Variants in MECOM observed in about 807,000 individuals in gnomAD.
MECOM encodes the protein MDS1 and EVI1 complex locus.
In MECOM, 13 loss-of-function variants were observed where a neutral mutation model predicts 116.3. The ratio of observed to expected loss-of-function variants is 0.11; its 90% CI spans 0.07 to 0.18. MECOM has a LOEUF of 0.18. MECOM is among the 10% of genes least tolerant of loss of function. The pLI is 1.00. For missense variants in MECOM, 1,299 were observed against 1,509.0 expected, an observed-to-expected ratio of 0.86 and a Z score of 2.31; for synonymous variants, 528 against 535.2, an observed-to-expected ratio of 0.99 and a Z score of 0.19.
chr3:169,610,598 A>G (rs1194684105), intron 1 of MECOM, among the ~76,000 whole-genome samples: 1 of 152,106 alleles, frequency 6.6e-6, no homozygotes, highest in Non-Finnish European at 1.5e-5. Context: ...AACTCATACA[A>G]ATAGTAAGTA....
intron 1 of MECOM, among the ~76,000 whole-genome samples, chr3:169,545,890 A>G (rs1242387613): frequency 6.6e-6 from 1 of 151,484 alleles, no homozygotes; most frequent in African/African-American, 2.4e-5. Flanking sequence ...TCTCTTCCCA[A>G]TCTCTTTTTT....
intron 1 of MECOM, among the ~76,000 whole-genome samples, chr3:169,563,386 A>G (rs1762876339): frequency 6.6e-6 from 1 of 152,210 alleles, no homozygotes; most frequent in Non-Finnish European, 1.5e-5. Flanking sequence ...ATTCATTGAA[A>G]CTTAAATCCA....
intron 1 of MECOM, among the ~76,000 whole-genome samples, chr3:169,413,094 G>A (rs1036414673): frequency 1.3e-5 from 2 of 152,236 alleles, no homozygotes; most frequent in African/African-American, 4.8e-5. Flanking sequence ...GCTCTGATCT[G>A]CAGCTCCCAG....
chr3:169,146,829 C>G, intron 2 of MECOM: 3 of 1,082,178 alleles, frequency 2.8e-6, no homozygotes, highest in Non-Finnish European at 3.4e-6. Flanking sequence ...CACGAAAATC[C>G]TTTCAAACGA....
chr3:169,106,799 A>C (rs895593500), intron 10 of MECOM, among the ~76,000 whole-genome samples: 5 of 152,120 alleles, frequency 3.3e-5, no homozygotes, highest in Non-Finnish European at 7.4e-5. Context: ...ACAGATCTCT[A>C]CCAGGAAAGG....
At chr3:169,584,731 G>A (rs1765582643) in intron 1 of MECOM, among the ~76,000 whole-genome samples, 1 of 152,134 alleles carries the variant, frequency 6.6e-6, no homozygotes, top group South Asian at 2.1e-4. Flanking sequence ...CTTAACAAGT[G>A]AGTATGACAT....
rs56270349 is a variant in MECOM, at chr3:169,659,440, A to ATTTTTTTTT, written c.37+3887_37+3895dup. Reference sequence around the variant, plus strand: ...GTAATTAACCTTCCCCTAAACACAGATTTTTTTTTTTTTTTTTTTTTTTTT... The same window carrying ATTTTTTTTT: ...GTAATTAACCTTCCCCTAAACACAGATTTTTTTTTTTTTTTTTTTTTTTTTTTTTTTTTT... On this transcript the variant is annotated intron_variant, in intron 1 of 16. Transcript: ENST00000651503. Among the ~76,000 whole-genome samples, 245 of 62,138 alleles carry ATTTTTTTTT rather than the reference A, an allele frequency of 3.9e-3. 47 individuals are homozygous for ATTTTTTTTT. The highest frequency in any genetic ancestry group is 0.031 in the East Asian group (40 of 1,278). The allele number at this position is 62,138 out of a possible 152,430, so 40.8% of individuals were successfully genotyped here.
chr3:169,121,807 A>G (rs1297476025), intron 6 of MECOM, among the ~76,000 whole-genome samples: 2 of 152,306 alleles, frequency 1.3e-5, no homozygotes, highest in Non-Finnish European at 2.9e-5. Flanking sequence ...AGAAAAAAAC[A>G]TACAAAATTT....
chr3:169,468,762 C>A (rs1039050712), intron 1 of MECOM, among the ~76,000 whole-genome samples: 1 of 152,188 alleles, frequency 6.6e-6, no homozygotes, highest in East Asian at 1.9e-4. Context: ...CACATGGAAG[C>A]AATTGCTTGA....
chr3:169,121,014 G>A, intron 7 of MECOM, 42 bp downstream of exon 7: 1 of 1,556,904 alleles, frequency 6.4e-7, no homozygotes, highest in Non-Finnish European at 8.7e-7. Context: ...TTTTGGGGAA[G>A]AGACAGATGT....
At chr3:169,165,700 ATG>A (rs1301015049) in intron 2 of MECOM, among the ~76,000 whole-genome samples, 1 of 152,154 alleles carries the variant, frequency 6.6e-6, no homozygotes, top group East Asian at 1.9e-4. Flanking sequence ...TCCTTGTTTT[ATG>A]TCCTTTAAGT....
intron 1 of MECOM, among the ~76,000 whole-genome samples, chr3:169,524,352 C>T (rs1041115053): frequency 6.6e-6 from 1 of 152,068 alleles, no homozygotes; most frequent in African/African-American, 2.4e-5. Context: ...GATCCTCTGA[C>T]AGTTTGCAGA....
At chr3:169,582,734 C>T (rs977241342) in intron 1 of MECOM, among the ~76,000 whole-genome samples, 1 of 152,174 alleles carries the variant, frequency 6.6e-6, no homozygotes, top group Non-Finnish European at 1.5e-5. Flanking sequence ...AGCAAAACTT[C>T]TGAAATTACA....
At chr3:169,139,745 A>G (rs1251340810) in intron 3 of MECOM, among the ~76,000 whole-genome samples, 1 of 151,982 alleles carries the variant, frequency 6.6e-6, no homozygotes, top group Admixed American at 6.6e-5. Context: ...TCTGAGGTGG[A>G]TGGGGGTCTA....
At chr3:169,649,574 C>A (rs955334728) in intron 1 of MECOM, among the ~76,000 whole-genome samples, 1 of 151,988 alleles carries the variant, frequency 6.6e-6, no homozygotes, top group African/African-American at 2.4e-5. Context: ...TGTCGGTGTT[C>A]AATATTTTCA....
chr3:169,182,050 G>A (rs1746035033), intron 2 of MECOM, among the ~76,000 whole-genome samples: 1 of 152,182 alleles, frequency 6.6e-6, no homozygotes, highest in African/African-American at 2.4e-5. Flanking sequence ...CAAGATGAAG[G>A]ATAGGAAGAG....
chr3:169,661,676 G>A (rs1254951966), intron 1 of MECOM, among the ~76,000 whole-genome samples: 1 of 152,216 alleles, frequency 6.6e-6, no homozygotes, highest in African/African-American at 2.4e-5. Flanking sequence ...CGACTCCAAT[G>A]CCCGCGAAGC....
At chr3:169,202,280 T>C (rs981635208) in intron 2 of MECOM, among the ~76,000 whole-genome samples, 1 of 152,176 alleles carries the variant, frequency 6.6e-6, no homozygotes, top group Non-Finnish European at 1.5e-5. Flanking sequence ...TTTTTCATCG[T>C]ATAACATTTG....
intron 1 of MECOM, among the ~76,000 whole-genome samples, chr3:169,661,956 C>G (rs1369520095): frequency 6.6e-6 from 1 of 152,228 alleles, no homozygotes; most frequent in Non-Finnish European, 1.5e-5. Flanking sequence ...AGCTCCAGCC[C>G]CGCCTATTGA....
Sources: gnomAD v4.1 joint callset for allele counts (sites outside exome capture counted in the v4.1 genomes callset) on GRCh38, gnomAD v4.1.1 for gene constraint, MANE v1.5 for transcripts, NCBI Gene and HGNC (gene_info 2026-07-23, HGNC 2026-07-21) for gene names.